Variants in THSD7A observed in about 807,000 individuals in gnomAD.
The protein encoded by THSD7A is thrombospondin type 1 domain containing 7A.
Under a neutral mutation model 231.3 loss-of-function variants are expected in THSD7A, and 96 were observed. The observed-to-expected ratio is 0.41, with a 90% confidence interval of 0.35 to 0.49. The LOEUF is 0.49. THSD7A is among the 20% of genes least tolerant of loss of function. The probability of loss-of-function intolerance (pLI) is 0.05; values close to 1 mark genes in which losing one functional copy is unlikely to be tolerated. For missense variants in THSD7A, 2,290 were observed against 2,070.2 expected, an observed-to-expected ratio of 1.11 and a Z score of -2.06; for synonymous variants, 940 against 743.3, an observed-to-expected ratio of 1.26 and a Z score of -4.30.
At chr7:11,563,246 C>T (rs1790150959) in intron 4 of THSD7A, among the ~76,000 whole-genome samples, 1 of 152,130 alleles carries the variant, frequency 6.6e-6, no homozygotes, top group Admixed American at 6.5e-5. Context: ...ATTTATTCCT[C>T]AATCAATTTT....
intron 1 of THSD7A, among the ~76,000 whole-genome samples, chr7:11,787,399 A>C (rs1783824326): frequency 6.6e-6 from 1 of 152,096 alleles, no homozygotes; most frequent in Non-Finnish European, 1.5e-5. Context: ...AAAAAGAAAT[A>C]ATTGATAAAC....
chr7:11,796,968 AT>A (rs1784142427), intron 1 of THSD7A, among the ~76,000 whole-genome samples: 2 of 151,856 alleles, frequency 1.3e-5, no homozygotes, highest in Admixed American at 6.6e-5. Context: ...GTGGCAGGTA[AT>A]TTTTTTTCAT....
Position 11,474,940 on chromosome 7 carries a change from A to T in THSD7A, c.2018-372T>A, listed in dbSNP as rs1786096143. ...AAGAATGCCTCAGATTGAAAGAGGC[A>T]CTGAGAAAAATTTTGAAGGAGTAGG... On this transcript the variant is annotated intron_variant, in intron 7 of 27. Transcript: ENST00000423059. This position sits in a 1 kb window ranked among gnomAD's most constrained non-coding sequence, Gnocchi z 4.1. 6.6e-6 allele frequency among the ~76,000 whole-genome samples: 1 copy of T among 152,204 alleles called. No homozygotes were observed. Among genetic ancestry groups the T allele is most frequent in the South Asian group, 2.1e-4 (1 of 4,830 alleles).
chr7:11,479,926 T>G (rs1786353350), intron 7 of THSD7A, among the ~76,000 whole-genome samples: 1 of 152,178 alleles, frequency 6.6e-6, no homozygotes, highest in Non-Finnish European at 1.5e-5. Context: ...GGATTCTCTA[T>G]GCCCTTGCTA....
At chr7:11,608,425 T>C (rs1290364221) in intron 2 of THSD7A, among the ~76,000 whole-genome samples, 1 of 152,056 alleles carries the variant, frequency 6.6e-6, no homozygotes, top group Non-Finnish European at 1.5e-5. Flanking sequence ...AGAGAGAAAC[T>C]AACACTAACA....
At chr7:11,786,759 T>TAAAAAAA (rs58923353) in intron 1 of THSD7A, among the ~76,000 whole-genome samples, 15 of 108,630 alleles carry the variant, frequency 1.4e-4, no homozygotes, top group South Asian at 2.9e-4. Flanking sequence ...AGTATAATAA[T>TAAAAAAA]AAAAAAAAAA....
Position 11,411,702 on chromosome 7 carries a change from C to T in THSD7A, c.3683-380G>A, listed in dbSNP as rs759982527. 9.9e-5 allele frequency among the ~76,000 whole-genome samples: 15 copies of T among 152,260 alleles called. No individual in the cohort carries two copies. Among genetic ancestry groups the T allele is most frequent in the African/African-American group, 2.4e-4 (10 of 41,550 alleles). ...GCCAAATAATCATAATTGTGACAGACGGTACTTTAACTGTGTAGTTATATT... is the reference window on the plus strand; with the variant it reads ...GCCAAATAATCATAATTGTGACAGATGGTACTTTAACTGTGTAGTTATATT... On this transcript the variant is annotated intron_variant, in intron 18 of 27. Transcript: ENST00000423059. This position sits in a 1 kb window ranked among gnomAD's most constrained non-coding sequence, Gnocchi z 4.1.
chr7:11,586,557 T>G (rs1448492111), intron 4 of THSD7A, among the ~76,000 whole-genome samples: 7 of 152,176 alleles, frequency 4.6e-5, no homozygotes, highest in Admixed American at 3.3e-4. Flanking sequence ...TTCAACACAC[T>G]CTGATATTTA....
At chr7:11,773,716 G>T (rs1472483361) in intron 1 of THSD7A, among the ~76,000 whole-genome samples, 3 of 151,764 alleles carry the variant, frequency 2.0e-5, no homozygotes, top group East Asian at 1.9e-4. Flanking sequence ...CATTTTTTTT[G>T]ATACAAGCTT....
intron 1 of THSD7A, among the ~76,000 whole-genome samples, chr7:11,658,789 G>C (rs2128372203): frequency 6.6e-6 from 1 of 151,782 alleles, no homozygotes; most frequent in Admixed American, 6.6e-5. Flanking sequence ...ACTAGTGTGG[G>C]AATTCCTTTG....
At chr7:11,573,882 A>G (rs1790759101) in intron 4 of THSD7A, among the ~76,000 whole-genome samples, 1 of 152,196 alleles carries the variant, frequency 6.6e-6, no homozygotes, top group Non-Finnish European at 1.5e-5. Flanking sequence ...TATTCTGTTA[A>G]TATCTTTCCC....
At chr7:11,804,818 G>A (rs538069417) in intron 1 of THSD7A, among the ~76,000 whole-genome samples, 38 of 151,970 alleles carry the variant, frequency 2.5e-4, no homozygotes, top group Admixed American at 5.3e-4. Flanking sequence ...TCACATCTGC[G>A]GCCTCTCGGT....
chr7:11,719,259 T>A (rs1399749187), intron 1 of THSD7A, among the ~76,000 whole-genome samples: 2 of 151,596 alleles, frequency 1.3e-5, no homozygotes, highest in Non-Finnish European at 2.9e-5. Flanking sequence ...ATGGTCTCTG[T>A]TTCCTCCCAC....
At chr7:11,475,278 C>A (rs1392573179) in intron 7 of THSD7A, among the ~76,000 whole-genome samples, 2 of 151,920 alleles carry the variant, frequency 1.3e-5, no homozygotes, top group Non-Finnish European at 2.9e-5. Flanking sequence ...GACAGCAGAC[C>A]ACTGCTGGGT....
intron 1 of THSD7A, among the ~76,000 whole-genome samples, chr7:11,677,543 A>T (rs1033876767): frequency 6.9e-6 from 1 of 145,856 alleles, no homozygotes; most frequent in East Asian, 2.0e-4. Flanking sequence ...CATAGGCTCA[A>T]AATAAAGGGA....
intron 6 of THSD7A, among the ~76,000 whole-genome samples, chr7:11,491,002 C>T (rs1334733706): frequency 6.6e-6 from 1 of 152,096 alleles, no homozygotes; most frequent in East Asian, 1.9e-4. Flanking sequence ...CATACTACTA[C>T]AGAAATGGAT....
At chr7:11,518,126 T>C (rs899482211) in intron 6 of THSD7A, among the ~76,000 whole-genome samples, 5 of 152,164 alleles carry the variant, frequency 3.3e-5, no homozygotes, top group Non-Finnish European at 5.9e-5. Context: ...TAGGGCATAG[T>C]AGGTATTTAA....
At chr7:11,617,941 C>G (rs559496066) in intron 2 of THSD7A, among the ~76,000 whole-genome samples, 1 of 152,208 alleles carries the variant, frequency 6.6e-6, no homozygotes, top group African/African-American at 2.4e-5. Context: ...ACATATGTAA[C>G]AAACCTGCAC....
At chr7:11,760,134 T>C (rs1782807828) in intron 1 of THSD7A, among the ~76,000 whole-genome samples, 1 of 152,022 alleles carries the variant, frequency 6.6e-6, no homozygotes, top group Non-Finnish European at 1.5e-5. Flanking sequence ...TTCTGATAAA[T>C]ATTTCCAATA....
Sources: allele counts gnomAD v4.1 joint callset (sites outside exome capture counted in the v4.1 genomes callset), GRCh38; gene constraint gnomAD v4.1.1; non-coding constraint Gnocchi (gnomAD v3.1); transcripts MANE v1.5; gene names NCBI Gene and HGNC (gene_info 2026-07-23, HGNC 2026-07-21).